The following IQANK1 variants were observed in gnomAD, a reference collection of about 807,000 sequenced individuals.
The protein encoded by IQANK1 is IQ motif and ankyrin repeat containing 1.
Under a neutral mutation model 22.6 loss-of-function variants are expected in IQANK1, and 30 were observed. The observed-to-expected ratio is 1.33, with a 90% confidence interval of 0.99 to 1.80. IQANK1 has a LOEUF of 1.80. Among genes scored for constraint, IQANK1 ranks in the 40% most tolerant of loss-of-function variants. The probability of loss-of-function intolerance (pLI) is 0.00; values close to 1 mark genes in which losing one functional copy is unlikely to be tolerated. For missense variants in IQANK1, 275 were observed against 235.2 expected, an observed-to-expected ratio of 1.17 and a Z score of -1.11; for synonymous variants, 122 against 99.6, an observed-to-expected ratio of 1.23 and a Z score of -1.34.
intron 7 of IQANK1, among the ~76,000 whole-genome samples, chr8:143,783,216 G>A (rs782652302): frequency 5.9e-5 from 9 of 152,142 alleles, no homozygotes; most frequent in Non-Finnish European, 1.2e-4. Context: ...CTGACAATAT[G>A]TTATAGTCCC....
At chr8:143,740,684 C>T (rs1271227169) in intron 3 of IQANK1, among the ~76,000 whole-genome samples, 2 of 152,222 alleles carry the variant, frequency 1.3e-5, no homozygotes, top group African/African-American at 4.8e-5. Context: ...ATGGGCCATG[C>T]TGGCCGCAGC....
rs1256926904 is a variant in IQANK1 at position 143,771,495 on chromosome 8, C to G, written c.183C>G (p.Ala61=). Residue 61 remains alanine (A), a synonymous_variant, in exon 4 of 14, where the codon GCC becomes GCG. Coordinates refer to ENST00000527139, the MANE Select transcript of IQANK1 (RefSeq NM_001381874.1). This position sits in a 1 kb window ranked among gnomAD's most constrained non-coding sequence, Gnocchi z 6.0. ...AGCCTCTCCCCACCCCAGGGCCGGC[C>G]GAGGACCGAGCGGCCAGAGCGATCC... The part of the protein sequence containing the change: ...AESPQAPTGP[A]EDRAARAIQG... The G allele has an allele frequency of 5.0e-6, 2 of 397,844 alleles. No homozygotes were observed. Among genetic ancestry groups the G allele is most frequent in the South Asian group, 1.3e-4 (1 of 7,852 alleles). The allele number at this position is 397,844 out of a possible 1,614,324, so 24.6% of individuals were successfully genotyped here.
rs1196072906 is a variant in IQANK1 at position 143,789,765 on chromosome 8, T to C, written c.1091T>C (p.Ile364Thr). The C allele has an allele frequency of 8.1e-7, 1 of 1,231,960 alleles. No homozygotes were observed. The highest frequency in any genetic ancestry group is 1.5e-5 in the African/African-American group (1 of 64,530). 76.3% of individuals were successfully genotyped at this position (1,231,960 alleles called of 1,614,324 possible). A position where few individuals can be genotyped will look rare whatever the true frequency, so the allele number is the denominator to read the frequency against. Residue 364 changes from isoleucine (I) to threonine (T), a missense_variant, in exon 11 of 14, where the codon ATC (isoleucine) becomes ACC (threonine). Physicochemically the swap from Ile to Thr is moderately conservative, Grantham distance 89 (BLOSUM62 -1). Coordinates refer to ENST00000527139, the MANE Select transcript of IQANK1 (RefSeq NM_001381874.1). ...MDKTKLTLQA[I>T]KDTEAQVDRL... The stretch of plus-strand genomic sequence containing the variant: ...CAGTGTGGCCTCCTCCTCCAGGCCA[T>C]CAAGGACACAGAGGCCCAGGTGGAC...
chr8:143,743,828 A>T (rs1361555150), intron 3 of IQANK1: 5 of 429,826 alleles, frequency 1.2e-5, no homozygotes, highest in African/African-American at 1.0e-4. Flanking sequence ...GTTTCTGAAT[A>T]CTTATTGGAT....
intron 3 of IQANK1, among the ~76,000 whole-genome samples, chr8:143,752,999 T>G (rs1819223289): frequency 7.7e-6 from 1 of 129,096 alleles, no homozygotes; most frequent in Non-Finnish European, 1.6e-5. Flanking sequence ...TCTGTTCGTT[T>G]TTTTTTTTTT....
rs555509083 is a variant in IQANK1, at chr8:143,777,576, A to T, written c.789+5094A>T. ...AAAAAAATCCCAAAATATACCGGAA[A>T]GGCTGGGAGGGGTAAATGGAAGTGT... On this transcript the variant is annotated intron_variant, in intron 7 of 13. Coordinates refer to ENST00000527139, the MANE Select transcript of IQANK1 (RefSeq NM_001381874.1). Among the ~76,000 whole-genome samples, 3 of 151,814 alleles carry T rather than the reference A, an allele frequency of 2.0e-5. No homozygotes were observed. The South Asian group carries it at 6.2e-4, about 32-fold the overall frequency.
chr8:143,753,000 T>TG (rs1401657901), intron 3 of IQANK1, among the ~76,000 whole-genome samples: 1 of 131,600 alleles, frequency 7.6e-6, no homozygotes, highest in African/African-American at 3.0e-5. Flanking sequence ...CTGTTCGTTT[T>TG]TTTTTTTTTT....
At chr8:143,783,833 A>G (rs1009311591) in intron 7 of IQANK1, among the ~76,000 whole-genome samples, 1 of 151,630 alleles carries the variant, frequency 6.6e-6, no homozygotes, top group Non-Finnish European at 1.5e-5. Context: ...TCTTTGTGAA[A>G]GACTGCCCTC....
At position 143,774,759 on chromosome 8, in the gene IQANK1, C is replaced by G. The variant is rs1554630159; in HGVS notation, c.789+2277C>G. 6.6e-6 allele frequency among the ~76,000 whole-genome samples: 1 copy of G among 152,224 alleles called. No homozygotes were observed. The highest frequency in any genetic ancestry group is 1.5e-5 in the Non-Finnish European group (1 of 68,042). On this transcript the variant is annotated intron_variant, in intron 7 of 13. Transcript: ENST00000527139. This position sits in a 1 kb window ranked among gnomAD's most constrained non-coding sequence, Gnocchi z 4.2. The stretch of plus-strand genomic sequence containing the variant: ...AAAGTGGAAACGACTCAGATGTCCT[C>G]CAGCAGGCGAGTGGCTCCACTAGCT...
intron 7 of IQANK1, among the ~76,000 whole-genome samples, chr8:143,783,625 A>G (rs1587494220): frequency 6.6e-6 from 1 of 152,192 alleles, no homozygotes; most frequent in Non-Finnish European, 1.5e-5. Flanking sequence ...GGTGCCTTTT[A>G]TGTCAGTTTA....
At chr8:143,789,698 A>G in intron 10 of IQANK1, 63 bp from the exon 11 acceptor site, 1 of 1,220,400 alleles carries the variant, frequency 8.2e-7, no homozygotes, top group Non-Finnish European at 1.0e-6. Flanking sequence ...AAGCTCGGGC[A>G]GCTGCCCTCT....
At chr8:143,783,168 A>G (rs1234757887) in intron 7 of IQANK1, among the ~76,000 whole-genome samples, 4 of 152,212 alleles carry the variant, frequency 2.6e-5, no homozygotes, top group African/African-American at 9.7e-5. Context: ...ATATGTGCAC[A>G]GTTTTCCAAA....
intron 2 of IQANK1, among the ~76,000 whole-genome samples, chr8:143,737,450 G>C (rs62526393): frequency 0.059 from 9,050 of 152,328 alleles, 547 homozygotes; most frequent in African/African-American, 0.16. Flanking sequence ...AGCCTGGGCA[G>C]GCTTGCTGTC....
chr8:143,769,953 G>A (rs1819542716), intron 3 of IQANK1, among the ~76,000 whole-genome samples: 1 of 152,166 alleles, frequency 6.6e-6, no homozygotes, highest in Non-Finnish European at 1.5e-5. Context: ...GCCTTCGGAG[G>A]TGGCCGTGGT....
At chr8:143,750,445 T>C (rs1554627904) in intron 3 of IQANK1, among the ~76,000 whole-genome samples, 1 of 152,242 alleles carries the variant, frequency 6.6e-6, no homozygotes, top group East Asian at 1.9e-4. Flanking sequence ...GTGAATCTTT[T>C]GTAGACAGCA....
chr8:143,755,424 C>T (rs142572898), intron 3 of IQANK1, among the ~76,000 whole-genome samples: 3 of 152,262 alleles, frequency 2.0e-5, no homozygotes, highest in East Asian at 1.9e-4. Flanking sequence ...AGTACAATGA[C>T]GTGATCTTAG....
intron 3 of IQANK1, among the ~76,000 whole-genome samples, chr8:143,769,832 C>T (rs1554629555): frequency 6.6e-6 from 1 of 152,250 alleles, no homozygotes; most frequent in Admixed American, 6.5e-5. Context: ...GCACCTCCTG[C>T]CCTGCCATCT....
intron 2 of IQANK1, 105 bp downstream of exon 2, chr8:143,736,043 C>T (rs1818728694): frequency 1.1e-5 from 7 of 653,000 alleles, no homozygotes; most frequent in Middle Eastern, 2.4e-4. Flanking sequence ...AGCCCTTCTT[C>T]CAAGAGTGGC....
intron 7 of IQANK1, among the ~76,000 whole-genome samples, chr8:143,775,372 A>G (rs1819663188): frequency 6.6e-6 from 1 of 151,832 alleles, no homozygotes; most frequent in African/African-American, 2.4e-5. Context: ...ACACACACAC[A>G]CACGAAAAAT....
Sources: allele counts gnomAD v4.1 joint callset (sites outside exome capture counted in the v4.1 genomes callset), GRCh38; gene constraint gnomAD v4.1.1; non-coding constraint Gnocchi (gnomAD v3.1); transcripts MANE v1.5; gene names NCBI Gene and HGNC (gene_info 2026-07-23, HGNC 2026-07-21).